TMEM131L: variants seen among roughly 807,000 people sequenced by gnomAD.
TMEM131L encodes transmembrane protein 131-like.
TMEM131L carries 54 observed loss-of-function variants against 192.2 expected under a neutral mutation model. That is an observed-to-expected ratio of 0.28 (90% CI 0.23 to 0.35). The LOEUF (loss-of-function observed/expected upper bound fraction) is 0.35, where lower values mean the gene tolerates loss of function less well. Among genes scored for constraint, TMEM131L ranks in the 10% least tolerant of loss-of-function variants. The pLI, the probability that TMEM131L is intolerant of heterozygous loss-of-function variation, is 1.00. For synonymous variants in TMEM131L, 701 were observed against 704.9 expected (o/e 0.99, Z 0.09); for missense variants, 1,888 against 1,972.9 (o/e 0.96, Z 0.82).
Position 153,596,306 on chromosome 4 carries a change from C to A in TMEM131L, c.2044C>A (p.Gln682Lys). ...SRFGILHLHL[Q>K]PLEMKRVGVV... ...GTTTGGCATCCTCCACTTACATCTG[C>A]AGCCTTTGGAAATGAAAAGGGTTGG... Residue 682 changes from glutamine (Q) to lysine (K), a missense_variant, in exon 20 of 35, where the codon CAG becomes AAG. Coordinates refer to ENST00000409959, the MANE Select transcript of TMEM131L (RefSeq NM_001131007.2). 1.2e-6 allele frequency: 2 copies of A among 1,613,986 alleles called. No individual in the cohort carries two copies. Among genetic ancestry groups the A allele is most frequent in the Non-Finnish European group, 1.7e-6 (2 of 1,179,880 alleles).
Position 153,584,900 on chromosome 4 carries a change from A to G in TMEM131L, c.1126A>G (p.Lys376Glu), listed in dbSNP as rs1278047806. 1 of 1,614,038 alleles carries G rather than the reference A, an allele frequency of 6.2e-7. No individual in the cohort carries two copies. Among genetic ancestry groups the G allele is most frequent in the South Asian group, 1.1e-5 (1 of 91,080 alleles). The change falls in exon 12 of 35, where the codon AAA (lysine) becomes GAA (glutamate). Residue 376 changes from lysine to glutamate, a missense_variant. Transcript: ENST00000409959. ...GAAAACAACACACACTCCAACACTA[A>G]AAGCATGCCTCTTCTCTTCTGTGGC... ...VKKTTHTPTL[K>E]ACLFSSVAQG...
chr4:153,603,487 C>A (rs376051666), intron 24 of TMEM131L, 35 bp downstream of exon 24: 2 of 1,576,242 alleles, frequency 1.3e-6, no homozygotes, highest in Admixed American at 1.9e-5. Flanking sequence ...GGAGCGGGGG[C>A]GGTTTCTCAC....
intron 4 of TMEM131L, among the ~76,000 whole-genome samples, chr4:153,550,914 A>G (rs763032032): frequency 1.3e-5 from 2 of 152,192 alleles, no homozygotes; most frequent in Non-Finnish European, 2.9e-5. Context: ...TATCATGTAA[A>G]GAACCGCAAG....
chr4:153,577,500 T>G (rs974714400), intron 7 of TMEM131L, among the ~76,000 whole-genome samples: 6 of 152,184 alleles, frequency 3.9e-5, no homozygotes, highest in African/African-American at 1.4e-4. Context: ...TTGCAAGTAC[T>G]CAACTCTGCT....
At chr4:153,473,113 G>C (rs537957941) in intron 2 of TMEM131L, among the ~76,000 whole-genome samples, 1 of 152,296 alleles carries the variant, frequency 6.6e-6, no homozygotes, top group African/African-American at 2.4e-5. Flanking sequence ...GGTGTGTCAG[G>C]GCCTGTGTGG....
chr4:153,627,041 G>A (rs1323989085), intron 30 of TMEM131L, among the ~76,000 whole-genome samples: 2 of 152,170 alleles, frequency 1.3e-5, no homozygotes, highest in African/African-American at 2.4e-5. Flanking sequence ...GGTTTCTTAG[G>A]TACCTCCCTC....
At chr4:153,547,888 AG>A (rs1442005929) in intron 3 of TMEM131L, among the ~76,000 whole-genome samples, 2 of 152,220 alleles carry the variant, frequency 1.3e-5, no homozygotes, top group Non-Finnish European at 2.9e-5. Context: ...GTTCATGTGG[AG>A]GTTGTGTAAA....
intron 3 of TMEM131L, among the ~76,000 whole-genome samples, chr4:153,539,400 T>C (rs1173980189): frequency 6.6e-6 from 1 of 152,136 alleles, no homozygotes; most frequent in Non-Finnish European, 1.5e-5. Context: ...AAGTGTGTGG[T>C]CTATGCTAGT....
chr4:153,621,624 C>G (rs1733412062), intron 27 of TMEM131L, 59 bp from the exon 28 acceptor site: 1 of 1,553,518 alleles, frequency 6.4e-7, no homozygotes. Flanking sequence ...GAAAGGAAGT[C>G]TGCATGTGTA....
intron 3 of TMEM131L, among the ~76,000 whole-genome samples, chr4:153,547,642 A>G (rs915791037): frequency 3.9e-5 from 6 of 152,246 alleles, no homozygotes; most frequent in African/African-American, 9.6e-5. Context: ...GAGAGAGGTT[A>G]AGTGACTGAT....
intron 26 of TMEM131L, among the ~76,000 whole-genome samples, chr4:153,614,957 G>T (rs1732874497): frequency 6.6e-6 from 1 of 152,142 alleles, no homozygotes; most frequent in South Asian, 2.1e-4. Flanking sequence ...TAGCTCCAAG[G>T]TTCCAAGCCT....
chr4:153,566,590 TTTTCTC>T (rs1729223246), intron 7 of TMEM131L, among the ~76,000 whole-genome samples: 1 of 151,868 alleles, frequency 6.6e-6, no homozygotes, highest in African/African-American at 2.4e-5. Context: ...GTCTAAGAGA[TTTTCTC>T]TTAAGGATAT....
chr4:153,620,661 A>G (rs906260843), intron 26 of TMEM131L, 95 bp from the exon 27 acceptor site: 21 of 737,102 alleles, frequency 2.8e-5, no homozygotes, highest in Middle Eastern at 4.1e-4. Flanking sequence ...GCACTGGGAC[A>G]TTCTGAATTC....
intron 25 of TMEM131L, among the ~76,000 whole-genome samples, chr4:153,609,882 C>T (rs144287277): frequency 3.6e-4 from 55 of 152,188 alleles, no homozygotes; most frequent in Non-Finnish European, 6.9e-4. Flanking sequence ...GGATATTCTT[C>T]TTATGCTTTC....
intron 3 of TMEM131L, among the ~76,000 whole-genome samples, chr4:153,538,501 A>G (rs1736511571): frequency 6.6e-6 from 1 of 152,160 alleles, no homozygotes; most frequent in South Asian, 2.1e-4. Context: ...TCTTTGTTTT[A>G]CCATCAGATT....
intron 7 of TMEM131L, among the ~76,000 whole-genome samples, chr4:153,566,993 G>A (rs949910126): frequency 6.6e-6 from 1 of 152,232 alleles, no homozygotes; most frequent in Non-Finnish European, 1.5e-5. Context: ...TGCCTACAGC[G>A]TGGTGCCTGC....
chr4:153,636,003 G>A (rs1033344918), intron 34 of TMEM131L, among the ~76,000 whole-genome samples: 4 of 152,098 alleles, frequency 2.6e-5, no homozygotes, highest in African/African-American at 4.8e-5. Flanking sequence ...CTGCTCAGAA[G>A]CCCGATGGCT....
chr4:153,506,192 C>T (rs775390950), intron 3 of TMEM131L, among the ~76,000 whole-genome samples: 2 of 152,090 alleles, frequency 1.3e-5, no homozygotes, highest in African/African-American at 4.8e-5. Context: ...GGAAAAGTAA[C>T]CCAGAATTAT....
chr4:153,493,190 C>T lies in TMEM131L; in HGVS notation c.239+19302C>T, dbSNP rs1031645739. On this transcript the variant is annotated intron_variant, in intron 3 of 34. Coordinates refer to ENST00000409959, the MANE Select transcript of TMEM131L (RefSeq NM_001131007.2). ...TGAAACCCCATCTCTACTAAAAATACAAAAAATTAGCCGGGCGTGGTGGCA... is the reference window on the plus strand; with the variant it reads ...TGAAACCCCATCTCTACTAAAAATATAAAAAATTAGCCGGGCGTGGTGGCA... Among the ~76,000 whole-genome samples the T allele has an allele frequency of 9.3e-5, 14 of 150,192 alleles. No individual in the cohort carries two copies. The East Asian group carries it at 2.7e-3, about 29-fold the overall frequency.
Sources: gnomAD v4.1 joint callset for allele counts (sites outside exome capture counted in the v4.1 genomes callset) on GRCh38, gnomAD v4.1.1 for gene constraint, MANE v1.5 for transcripts, NCBI Gene and HGNC (gene_info 2026-07-23, HGNC 2026-07-21) for gene names.